NBAS: variants seen among roughly 807,000 people sequenced by gnomAD.
The protein encoded by NBAS is NBAS subunit of NRZ tethering complex.
A neutral mutation model predicts 302.5 loss-of-function variants in NBAS; 219 were observed. That is an observed-to-expected ratio of 0.72 (90% CI 0.65 to 0.81). The LOEUF is 0.81. Ranked by LOEUF, NBAS falls within the 30% of genes least tolerant of loss-of-function variation. NBAS has a pLI of 0.00. For missense variants in NBAS, 2,932 were observed against 2,841.6 expected, an observed-to-expected ratio of 1.03 and a Z score of -0.72; for synonymous variants, 1,118 against 1,021.6, an observed-to-expected ratio of 1.09 and a Z score of -1.80.
chr2:15,427,292 C>T (rs1367251124), intron 22 of NBAS, among the ~76,000 whole-genome samples: 6 of 151,974 alleles, frequency 3.9e-5, no homozygotes, highest in Admixed American at 3.3e-4. Context: ...AGCCCCACAC[C>T]GACTCTCCCA....
the NBAS span, among the ~76,000 whole-genome samples, chr2:15,143,443 A>G: frequency 6.6e-6 from 1 of 152,188 alleles, no homozygotes; most frequent in African/African-American, 2.4e-5. Context: ...ATTTCACTGA[A>G]GAGTCAGTCG....
At chr2:15,546,182 T>C (rs989353120) in intron 6 of NBAS, among the ~76,000 whole-genome samples, 7 of 152,134 alleles carry the variant, frequency 4.6e-5, no homozygotes, top group Admixed American at 6.5e-5. Context: ...ATAGAACATA[T>C]CTACAGTAAC....
At chr2:14,859,189 T>G in the NBAS span, among the ~76,000 whole-genome samples, 8,220 of 151,930 alleles carry the variant, frequency 0.054, 740 homozygotes, top group African/African-American at 0.19. Context: ...TGAAGAAGAT[T>G]CAAAAATTAA....
At chr2:14,933,657 C>T in the NBAS span, among the ~76,000 whole-genome samples, 1 of 152,030 alleles carries the variant, frequency 6.6e-6, no homozygotes, top group Non-Finnish European at 1.5e-5. Context: ...CTGGGGTGAG[C>T]ATTGTTCCCT....
chr2:15,084,142 G>A, the NBAS span, among the ~76,000 whole-genome samples: 2 of 151,658 alleles, frequency 1.3e-5, no homozygotes, highest in South Asian at 4.2e-4. Flanking sequence ...GCCTTGACCT[G>A]GGCTCAAGTA....
At chr2:15,098,464 ATTGTATATAATATG>A in the NBAS span, among the ~76,000 whole-genome samples, 4 of 99,128 alleles carry the variant, frequency 4.0e-5, no homozygotes, top group African/African-American at 1.8e-4. Flanking sequence ...TATATTATAT[ATTGTATATAATATG>A]TTATATATTG....
chr2:15,422,442 G>A (rs1217936208), intron 23 of NBAS, among the ~76,000 whole-genome samples: 1 of 152,048 alleles, frequency 6.6e-6, no homozygotes, highest in African/African-American at 2.4e-5. Context: ...TAACTTGTGA[G>A]TGGGGGGAGC....
chr2:15,058,916 T>G, the NBAS span, among the ~76,000 whole-genome samples: 4 of 152,228 alleles, frequency 2.6e-5, no homozygotes, highest in Admixed American at 1.3e-4. Flanking sequence ...CCTTCTGACC[T>G]TCTTGCTCTT....
At chr2:14,843,597 A>T in the NBAS span, among the ~76,000 whole-genome samples, 1 of 144,066 alleles carries the variant, frequency 6.9e-6, no homozygotes, top group Admixed American at 6.7e-5. Flanking sequence ...TACCTTCATA[A>T]GGACCAAAAA....
At chr2:15,525,725 C>G (rs867633111) in intron 9 of NBAS, among the ~76,000 whole-genome samples, 4 of 151,998 alleles carry the variant, frequency 2.6e-5, no homozygotes, top group South Asian at 2.1e-4. Context: ...CCTTCAAACA[C>G]TAACTAACTT....
Position 15,238,658 on chromosome 2 carries a change from G to A in NBAS, c.5753C>T (p.Thr1918Ile), listed in dbSNP as rs747813425. Residue 1918 changes from threonine to isoleucine, a missense_variant, in exon 45 of 52, where the codon ACT becomes ATT. Physicochemically the swap from Thr to Ile is moderately conservative, Grantham distance 89 (BLOSUM62 -1). Transcript: ENST00000281513. ...TTTGACTGTCTTAATAGCCTTTCTAGTCATCTCTTTACGGGCTTCCACAGA... is the reference window on the plus strand; with the variant it reads ...TTTGACTGTCTTAATAGCCTTTCTAATCATCTCTTTACGGGCTTCCACAGA... ...KLSVEARKEMTRKAIKTVKHF... is the reference protein window; with the variant it reads ...KLSVEARKEMIRKAIKTVKHF... The A allele has an allele frequency of 1.1e-5, 18 of 1,610,770 alleles. No homozygotes were observed. The highest frequency in any genetic ancestry group is 1.4e-5 in the Non-Finnish European group (17 of 1,179,612).
the NBAS span, among the ~76,000 whole-genome samples, chr2:15,146,349 C>T: frequency 6.6e-6 from 1 of 152,140 alleles, no homozygotes; most frequent in African/African-American, 2.4e-5. Flanking sequence ...CAATAGTGGT[C>T]ATCTTGAGTT....
At chr2:15,472,249 G>T (rs1470891924) in intron 16 of NBAS, among the ~76,000 whole-genome samples, 2 of 152,146 alleles carry the variant, frequency 1.3e-5, no homozygotes, top group East Asian at 3.9e-4. Context: ...TTTTCTTCTT[G>T]CTCCTATGGC....
chr2:15,229,227 G>A (rs192755810), intron 47 of NBAS, among the ~76,000 whole-genome samples: 65 of 150,496 alleles, frequency 4.3e-4, no homozygotes, highest in East Asian at 2.8e-3. Context: ...CTGTAATCCC[G>A]GCTACTCGGG....
downstream of NBAS, among the ~76,000 whole-genome samples, chr2:15,162,965 T>C (rs139614347): frequency 2.7e-3 from 411 of 152,304 alleles, 1 homozygote; most frequent in African/African-American, 9.4e-3. Context: ...ACATTTATCA[T>C]AATGAGTTTT....
chr2:15,028,855 C>T, the NBAS span, among the ~76,000 whole-genome samples: 1 of 152,162 alleles, frequency 6.6e-6, no homozygotes, highest in Admixed American at 6.5e-5. Flanking sequence ...ATTATCACTA[C>T]ATAATGTTTT....
chr2:15,510,144 G>A (rs748896223), intron 10 of NBAS, among the ~76,000 whole-genome samples: 18 of 152,092 alleles, frequency 1.2e-4, no homozygotes, highest in Non-Finnish European at 1.8e-4. Context: ...CACCACGCCC[G>A]GCCCAAGTGC....
At chr2:14,986,887 A>T in the NBAS span, among the ~76,000 whole-genome samples, 1 of 152,168 alleles carries the variant, frequency 6.6e-6, no homozygotes, top group African/African-American at 2.4e-5. Flanking sequence ...CAAATTCCAT[A>T]GGAAAAAATG....
intron 48 of NBAS, among the ~76,000 whole-genome samples, chr2:15,213,515 C>T (rs1238821999): frequency 6.6e-6 from 1 of 152,042 alleles, no homozygotes; most frequent in Non-Finnish European, 1.5e-5. Flanking sequence ...TTATGTAGTC[C>T]AATGCTATTC....
Sources: gnomAD v4.1 joint callset for allele counts (sites outside exome capture counted in the v4.1 genomes callset) on GRCh38, gnomAD v4.1.1 for gene constraint, MANE v1.5 for transcripts, NCBI Gene and HGNC (gene_info 2026-07-23, HGNC 2026-07-21) for gene names.